BCOR: variants seen among roughly 807,000 people sequenced by gnomAD.
BCOR encodes the protein BCL6 corepressor.
In BCOR, 10 loss-of-function variants were observed where a neutral mutation model predicts 86.7. The ratio of observed to expected loss-of-function variants is 0.12; its 90% CI spans 0.07 to 0.20. The LOEUF is 0.20. Ranked by LOEUF, BCOR falls within the 10% of genes least tolerant of loss-of-function variation. BCOR has a pLI of 1.00. For missense variants in BCOR, 1,259 were observed against 1,452.1 expected, an observed-to-expected ratio of 0.87 and a Z score of 2.16; for synonymous variants, 611 against 609.0, an observed-to-expected ratio of 1.00 and a Z score of -0.05.
At chrX:40,088,546 C>T (rs780027351) in intron 1 of BCOR, among the ~76,000 whole-genome samples, 1 of 111,881 alleles carries the variant, frequency 8.9e-6, no homozygotes, top group Non-Finnish European at 1.9e-5. Context: ...GAGTCAAGAA[C>T]CAAGTGTAGC....
chrX:40,162,654 T>C (rs1938443999), intron 1 of BCOR, among the ~76,000 whole-genome samples: 1 of 111,603 alleles, frequency 9.0e-6, no homozygotes, highest in African/African-American at 3.3e-5. Flanking sequence ...GGCCAGAGGG[T>C]ACACATGCCT....
chrX:40,132,052 G>A (rs1937608426), intron 1 of BCOR, among the ~76,000 whole-genome samples: 1 of 111,577 alleles, frequency 9.0e-6, no homozygotes, highest in Non-Finnish European at 1.9e-5. Context: ...GCTCTTTTTG[G>A]GGCACTTGCT....
intron 3 of BCOR, 130 bp from the exon 4 acceptor site, chrX:40,075,310 C>T (rs1410175910): frequency 3.5e-5 from 5 of 144,572 alleles, no homozygotes; most frequent in South Asian, 1.1e-4. Context: ...GACAGGCTTC[C>T]GGCGGGGCGG....
chrX:40,052,347 G>A lies in BCOR; in HGVS notation c.5030C>T (p.Ser1677Phe). Residue 1677 changes from serine to phenylalanine, a missense_variant, in exon 15 of 15, where the codon TCC (serine) becomes TTC (phenylalanine). Transcript: ENST00000378444. ...TGGAAAATTGCAGCGAAATATGCGG[G>A]AGGACATTTTCAATTTCTTAAGGAC... is the stretch of plus-strand genomic sequence containing the variant. Reference protein sequence around the residue: ...SDVLKKLKMSSRIFRCNFPNV... With the variant: ...SDVLKKLKMSFRIFRCNFPNV... 8.3e-7 allele frequency: 1 copy of A among 1,211,593 alleles called. No homozygotes were observed. The highest frequency in any genetic ancestry group is 1.1e-6 in the Non-Finnish European group (1 of 895,275).
At chrX:40,083,796 A>G (rs916007853) in intron 1 of BCOR, among the ~76,000 whole-genome samples, 2 of 111,902 alleles carry the variant, frequency 1.8e-5, no homozygotes, top group Non-Finnish European at 3.8e-5. Flanking sequence ...GCCTTCCAGG[A>G]ACTCCAGCAG....
intron 13 of BCOR, 91 bp from the exon 14 acceptor site, chrX:40,054,133 G>C: frequency 2.7e-6 from 3 of 1,125,526 alleles, no homozygotes; most frequent in Non-Finnish European, 3.6e-6. Context: ...TAAATAACAA[G>C]ATTCTTTCCC....
intron 1 of BCOR, among the ~76,000 whole-genome samples, chrX:40,087,424 G>A (rs1025489411): frequency 2.7e-5 from 3 of 112,657 alleles, no homozygotes; most frequent in Non-Finnish European, 5.6e-5. Context: ...ATTACTTTTC[G>A]TTATAAACTT....
intron 1 of BCOR, among the ~76,000 whole-genome samples, chrX:40,129,033 C>T (rs1224346800): frequency 1.8e-5 from 2 of 111,955 alleles, no homozygotes; most frequent in Non-Finnish European, 3.8e-5. Flanking sequence ...CTATTTTGCA[C>T]ATGATGAAGC....
intron 9 of BCOR, 119 bp downstream of exon 9, chrX:40,062,627 G>A (rs1569146394): frequency 1.3e-6 from 1 of 777,778 alleles, no homozygotes; most frequent in African/African-American, 2.1e-5. Flanking sequence ...ACAGGGGAGT[G>A]ACGTGTGGTG....
chrX:40,138,553 T>C (rs777787084), intron 1 of BCOR, among the ~76,000 whole-genome samples: 4 of 110,436 alleles, frequency 3.6e-5, no homozygotes, highest in Non-Finnish European at 5.7e-5. Flanking sequence ...TATTTTATTA[T>C]TTATTTATTT....
chrX:40,087,848 G>C, intron 1 of BCOR, among the ~76,000 whole-genome samples: 1 of 112,435 alleles, frequency 8.9e-6, no homozygotes, highest in Non-Finnish European at 1.9e-5. Context: ...AAAGGATGGA[G>C]GCTGCTGCTT....
chrX:40,083,123 G>T (rs764411309), intron 1 of BCOR, among the ~76,000 whole-genome samples: 9 of 110,280 alleles, frequency 8.2e-5, no homozygotes, highest in African/African-American at 3.0e-4. Flanking sequence ...GTGGGGGTGG[G>T]GTGTGTGGGA....
chrX:40,125,475 C>A (rs1358086812), intron 1 of BCOR, among the ~76,000 whole-genome samples: 1 of 111,564 alleles, frequency 9.0e-6, no homozygotes, highest in Admixed American at 9.6e-5. Flanking sequence ...CTCAAGTGAT[C>A]CATCTGCCTC....
chrX:40,173,465 G>A (rs781763651), intron 1 of BCOR, among the ~76,000 whole-genome samples: 2 of 111,909 alleles, frequency 1.8e-5, no homozygotes, highest in Non-Finnish European at 3.8e-5. Context: ...ACAAAGTTCC[G>A]GGTTAAAGTT....
chrX:40,173,239 A>G (rs1266594534), intron 1 of BCOR, among the ~76,000 whole-genome samples: 1 of 111,453 alleles, frequency 9.0e-6, no homozygotes, highest in Non-Finnish European at 1.9e-5. Flanking sequence ...TCCAGGCCCT[A>G]TTATCCCAAG....
intron 6 of BCOR, among the ~76,000 whole-genome samples, chrX:40,066,929 C>A (rs1352745327): frequency 2.1e-5 from 2 of 97,362 alleles, no homozygotes; most frequent in African/African-American, 3.8e-5. Flanking sequence ...ACACCCCCCC[C>A]CCCCCATCAA....
At chrX:40,139,808 C>CA (rs5902253) in intron 1 of BCOR, among the ~76,000 whole-genome samples, 1,925 of 83,015 alleles carry the variant, frequency 0.023, 24 homozygotes, top group East Asian at 0.045. Flanking sequence ...GAGACTGTCT[C>CA]AAAAAAAAAA....
rs779165781 is a variant in BCOR at position 40,074,902 on chromosome X, T to C, written c.444A>G (p.Ile148Met). 20 of 1,211,329 alleles carry C rather than the reference T, an allele frequency of 1.7e-5. No individual in the cohort carries two copies. In the South Asian group the frequency reaches 3.5e-4, roughly 21 times the overall value. Residue 148 changes from isoleucine to methionine, a missense_variant, in exon 4 of 15, where the codon ATA (isoleucine) becomes ATG (methionine). Coordinates refer to ENST00000378444, the MANE Select transcript of BCOR (RefSeq NM_001123385.2). ...SGKPPNGFSA[I>M]YKTPPGIQKS... The stretch of plus-strand genomic sequence containing the variant: ...TTTGTATTCCAGGCGGTGTTTTGTA[T>C]ATAGCACTGAAGCCATTTGGGGGTT...
At chrX:40,061,112 A>C (rs1934842617) in intron 10 of BCOR, among the ~76,000 whole-genome samples, 1 of 112,516 alleles carries the variant, frequency 8.9e-6, no homozygotes, top group Non-Finnish European at 1.9e-5. Flanking sequence ...GTGCTTCTCC[A>C]CACTTCACAC....
Sources: allele counts gnomAD v4.1 joint callset (sites outside exome capture counted in the v4.1 genomes callset), GRCh38; gene constraint gnomAD v4.1.1; transcripts MANE v1.5; gene names NCBI Gene and HGNC (gene_info 2026-07-23, HGNC 2026-07-21).